Variants in TRAPPC9 observed in about 807,000 individuals in gnomAD.
TRAPPC9 encodes trafficking protein particle complex subunit 9.
Under a neutral mutation model 124.0 loss-of-function variants are expected in TRAPPC9, and 83 were observed. That is an observed-to-expected ratio of 0.67 (90% confidence interval 0.56 to 0.80). The LOEUF is 0.80. Among genes scored for constraint, TRAPPC9 ranks in the 30% least tolerant of loss-of-function variants. The pLI, the probability that TRAPPC9 is intolerant of heterozygous loss-of-function variation, is 0.00. For synonymous variants in TRAPPC9, 638 were observed against 617.5 expected (o/e 1.03, Z -0.49); for missense variants, 1,302 against 1,508.3 (o/e 0.86, Z 2.27).
intron 21 of TRAPPC9, among the ~76,000 whole-genome samples, chr8:139,822,494 G>A (rs976924021): frequency 2.0e-5 from 3 of 152,134 alleles, no homozygotes; most frequent in South Asian, 2.1e-4. Flanking sequence ...CTGGCAATCC[G>A]GGCCTGTGTA....
chr8:140,419,452 ACAAAAC>A (rs2070111249), intron 5 of TRAPPC9, among the ~76,000 whole-genome samples: 38 of 133,086 alleles, frequency 2.9e-4, no homozygotes, highest in African/African-American at 9.3e-4. Context: ...AAAAAAAAAA[ACAAAAC>A]AAAACAAAAA....
At position 139,951,361 on chromosome 8, in the gene TRAPPC9, T is replaced by A. The variant is rs116106016; in HGVS notation, c.2810+37365A>T. ...AAACCACTGAACAAAAACTGTGCCATGAGGGTTCAAGATGAGAAGAAATGT... is the reference window on the plus strand; with the variant it reads ...AAACCACTGAACAAAAACTGTGCCAAGAGGGTTCAAGATGAGAAGAAATGT... On this transcript the variant is annotated intron_variant, in intron 19 of 22. Transcript: ENST00000438773. Among the ~76,000 whole-genome samples, 450 of 152,280 alleles carry A rather than the reference T, an allele frequency of 3.0e-3. 6 individuals carry two copies. Among genetic ancestry groups the A allele is most frequent in the African/African-American group, 0.011 (439 of 41,572 alleles).
intron 21 of TRAPPC9, among the ~76,000 whole-genome samples, chr8:139,738,981 G>A (rs932684002): frequency 3.3e-5 from 5 of 152,166 alleles, no homozygotes; most frequent in Non-Finnish European, 7.4e-5. Flanking sequence ...TAGGAATGTC[G>A]GCTCCTGCCC....
At chr8:140,326,985 C>T (rs527388306) in intron 9 of TRAPPC9, among the ~76,000 whole-genome samples, 6 of 152,324 alleles carry the variant, frequency 3.9e-5, no homozygotes, top group Non-Finnish European at 8.8e-5. Context: ...GGCGCGGTGG[C>T]TCATGCCTGT....
Position 139,870,422 on chromosome 8 carries a change from A to G in TRAPPC9, c.3055+15457T>C, listed in dbSNP as rs187941066. ...TAAGAGATTGCTCCATTTGAAAGGA[A>G]TATCATACAGTGCGACTCACTCTGG... On this transcript the variant is annotated intron_variant, in intron 21 of 22. Transcript: ENST00000438773. 1.3e-3 allele frequency among the ~76,000 whole-genome samples: 200 copies of G among 152,344 alleles called. 2 individuals carry two copies. Among genetic ancestry groups the G allele is most frequent in the African/African-American group, 4.7e-3 (194 of 41,576 alleles).
intron 15 of TRAPPC9, among the ~76,000 whole-genome samples, chr8:140,272,825 C>T (rs749792700): frequency 2.0e-5 from 3 of 151,956 alleles, no homozygotes; most frequent in African/African-American, 7.3e-5. Flanking sequence ...GACGAGCACC[C>T]AGCCATTCAT....
intron 17 of TRAPPC9, among the ~76,000 whole-genome samples, chr8:140,136,293 G>A (rs543728481): frequency 1.4e-3 from 207 of 152,262 alleles, no homozygotes; most frequent in African/African-American, 4.7e-3. Flanking sequence ...CAGGGGATCC[G>A]GGTGTGACCT....
At chr8:139,864,313 G>A (rs1828376313) in intron 21 of TRAPPC9, among the ~76,000 whole-genome samples, 1 of 152,162 alleles carries the variant, frequency 6.6e-6, no homozygotes, top group African/African-American at 2.4e-5. Flanking sequence ...GTGAGGGTTT[G>A]GAAAGGCTGC....
chr8:139,739,659 C>A (rs1182957657), intron 21 of TRAPPC9, among the ~76,000 whole-genome samples: 3 of 152,242 alleles, frequency 2.0e-5, no homozygotes, highest in Non-Finnish European at 4.4e-5. Context: ...CCTGACCACA[C>A]AGTAGAGGGC....
In TRAPPC9 at chr8:140,294,393, A is replaced by G. The variant is rs2065748144; in HGVS notation, c.1769-3315T>C. Among the ~76,000 whole-genome samples the G allele has an allele frequency of 2.6e-5, 4 of 151,960 alleles. No individual in the cohort carries two copies. The South Asian group carries it at 8.3e-4, about 32-fold the overall frequency. On this transcript the variant is annotated intron_variant, in intron 11 of 22. Coordinates refer to ENST00000438773, the MANE Select transcript of TRAPPC9 (RefSeq NM_001160372.4). Reference sequence around the variant, plus strand: ...GCATCCCAGACCACTCCTCACCACAAATGAAGAAGGTCACTCTCTTTAAAC... The same window carrying G: ...GCATCCCAGACCACTCCTCACCACAGATGAAGAAGGTCACTCTCTTTAAAC...
At chr8:140,348,542 C>A (rs903295586) in intron 9 of TRAPPC9, among the ~76,000 whole-genome samples, 7 of 151,994 alleles carry the variant, frequency 4.6e-5, no homozygotes, top group African/African-American at 1.2e-4. Flanking sequence ...AAAAAAAAGC[C>A]AAAGACCTAA....
chr8:140,269,582 A>G (rs1197321929), intron 15 of TRAPPC9, among the ~76,000 whole-genome samples: 2 of 146,688 alleles, frequency 1.4e-5, no homozygotes, highest in African/African-American at 2.6e-5. Context: ...ATAAATAAAT[A>G]AATAAATAAG....
At chr8:139,995,454 C>A (rs1379685256) in intron 18 of TRAPPC9, among the ~76,000 whole-genome samples, 1 of 152,118 alleles carries the variant, frequency 6.6e-6, no homozygotes, top group African/African-American at 2.4e-5. Context: ...TGATACAAAC[C>A]ACCTCACTGA....
intron 9 of TRAPPC9, among the ~76,000 whole-genome samples, chr8:140,312,738 G>C (rs887168794): frequency 6.9e-4 from 102 of 148,232 alleles, no homozygotes; most frequent in African/African-American, 2.5e-3. Flanking sequence ...CTGTGCCTAC[G>C]CATTCTTCTT....
chr8:140,343,265 C>G (rs4736033), intron 9 of TRAPPC9, among the ~76,000 whole-genome samples: 71,716 of 152,042 alleles, frequency 0.47, 17,044 homozygotes, highest in East Asian at 0.65. Flanking sequence ...TGGGCTGCGG[C>G]CTCAACCCTC....
chr8:139,981,555 A>G (rs1450696575), intron 19 of TRAPPC9, among the ~76,000 whole-genome samples: 2 of 152,260 alleles, frequency 1.3e-5, no homozygotes, highest in East Asian at 3.8e-4. Context: ...GTTAAGCATC[A>G]CTTTGATGAT....
chr8:140,422,099 G>A (rs1466088718), intron 5 of TRAPPC9, among the ~76,000 whole-genome samples: 2 of 151,760 alleles, frequency 1.3e-5, no homozygotes, highest in Non-Finnish European at 1.5e-5. Context: ...TAAATCCTGG[G>A]TGCAAACTCA....
intron 19 of TRAPPC9, chr8:139,916,342 T>C (rs907055806): frequency 1.3e-5 from 2 of 152,208 alleles, no homozygotes; most frequent in Non-Finnish European, 2.9e-5. Flanking sequence ...ATCCGGTACA[T>C]AAATAGCGCT....
intron 7 of TRAPPC9, among the ~76,000 whole-genome samples, chr8:140,386,598 C>A (rs565406931): frequency 7.1e-4 from 108 of 152,196 alleles, no homozygotes; most frequent in Non-Finnish European, 1.3e-3. Context: ...ACCTAGGAAT[C>A]CAACTTACAA....
Sources: allele counts gnomAD v4.1 joint callset (sites outside exome capture counted in the v4.1 genomes callset), GRCh38; gene constraint gnomAD v4.1.1; transcripts MANE v1.5; gene names NCBI Gene and HGNC (gene_info 2026-07-23, HGNC 2026-07-21).